Variants in IGSF21 observed in about 807,000 individuals in gnomAD.
IGSF21 encodes immunoglobin superfamily member 21, also known as immunoglobulin superfamily member 21.
Under a neutral mutation model 46.8 loss-of-function variants are expected in IGSF21, and 28 were observed. The ratio of observed to expected loss-of-function variants is 0.60; its 90% CI spans 0.44 to 0.82. The LOEUF is 0.82. IGSF21 is among the 40% of genes least tolerant of loss of function. The pLI is 0.00. For synonymous variants in IGSF21, 284 were observed against 273.6 expected (o/e 1.04, Z -0.38); for missense variants, 624 against 665.5 (o/e 0.94, Z 0.69).
rs996735198 is a variant in IGSF21 at position 18,195,140 on chromosome 1, C to A, written c.71-32758C>A. ...AGGTGAGATTTGGGTAGGGACACAG[C>A]CAAACCGTATCACGCCCCCACTTCA... On this transcript the variant is annotated intron_variant, in intron 1 of 9. Transcript: ENST00000251296. 4.6e-5 allele frequency among the ~76,000 whole-genome samples: 7 copies of A among 152,296 alleles called. No homozygotes were observed. In the South Asian group the frequency reaches 1.5e-3, roughly 32 times the overall value.
intron 3 of IGSF21, among the ~76,000 whole-genome samples, chr1:18,299,876 A>G (rs1425593761): frequency 9.9e-5 from 15 of 152,172 alleles, no homozygotes; most frequent in Admixed American, 9.8e-4. Flanking sequence ...TTTAGAAGAC[A>G]GGGTTGCAGG....
intron 4 of IGSF21, among the ~76,000 whole-genome samples, chr1:18,342,144 A>G (rs1178024228): frequency 6.6e-6 from 1 of 150,816 alleles, no homozygotes; most frequent in African/African-American, 2.4e-5. Context: ...CCCAGGCTGG[A>G]GTGCAGTGGC....
intron 1 of IGSF21, among the ~76,000 whole-genome samples, chr1:18,164,965 G>A (rs967391309): frequency 7.2e-6 from 1 of 139,408 alleles, no homozygotes; most frequent in Non-Finnish European, 1.5e-5. Context: ...ATTCCCACCT[G>A]TGAGTGAGAA....
chr1:18,154,616 T>C (rs1186440792), intron 1 of IGSF21, among the ~76,000 whole-genome samples: 1 of 128,092 alleles, frequency 7.8e-6, no homozygotes, highest in Admixed American at 8.4e-5. Flanking sequence ...GAGGAGGCCC[T>C]GCCCTGGGAG....
chr1:18,279,822 G>A (rs983363074), intron 2 of IGSF21, among the ~76,000 whole-genome samples: 13 of 152,360 alleles, frequency 8.5e-5, no homozygotes, highest in East Asian at 1.9e-4. Flanking sequence ...CGGTGCACCC[G>A]CCCCTCGTTT....
In IGSF21 at chr1:18,305,581, G is replaced by A. The variant is rs555150514; in HGVS notation, c.305+13594G>A. ...ATGGATGGATGGATGGATGGATTATGGATGGATGGATGGATGATGGATAGA... is the reference window on the plus strand; with the variant it reads ...ATGGATGGATGGATGGATGGATTATAGATGGATGGATGGATGATGGATAGA... On this transcript the variant is annotated intron_variant, in intron 3 of 9. Coordinates refer to ENST00000251296, the MANE Select transcript of IGSF21 (RefSeq NM_032880.5). Among the ~76,000 whole-genome samples, 60 of 141,482 alleles carry A rather than the reference G, an allele frequency of 4.2e-4. No homozygotes were observed. The South Asian group carries it at 4.7e-3, about 11-fold the overall frequency. 92.8% of individuals were successfully genotyped at this position (141,482 alleles called of 152,430 possible).
chr1:18,207,121 G>A (rs150882396), intron 1 of IGSF21, among the ~76,000 whole-genome samples: 25 of 152,256 alleles, frequency 1.6e-4, no homozygotes, highest in African/African-American at 3.9e-4. Context: ...CTGAGGTCCC[G>A]GCTTCCTTGC....
chr1:18,233,651 C>T (rs2084648162), intron 2 of IGSF21, among the ~76,000 whole-genome samples: 1 of 152,156 alleles, frequency 6.6e-6, no homozygotes, highest in Non-Finnish European at 1.5e-5. Flanking sequence ...CTGTTGATAG[C>T]TTACAGGATC....
chr1:18,236,881 G>A (rs1459521659), intron 2 of IGSF21, among the ~76,000 whole-genome samples: 1 of 152,200 alleles, frequency 6.6e-6, no homozygotes, highest in Non-Finnish European at 1.5e-5. Flanking sequence ...CTGGGGACCT[G>A]GGCAAGGGCA....
At chr1:18,319,011 C>T (rs141356362) in intron 3 of IGSF21, among the ~76,000 whole-genome samples, 136 of 152,268 alleles carry the variant, frequency 8.9e-4, no homozygotes, top group Admixed American at 1.9e-3. Flanking sequence ...GAAATGATAT[C>T]GGTGAGAACT....
intron 2 of IGSF21, among the ~76,000 whole-genome samples, chr1:18,235,208 G>A (rs1216412699): frequency 1.3e-5 from 2 of 152,200 alleles, no homozygotes; most frequent in Non-Finnish European, 2.9e-5. Flanking sequence ...CCCAGCCACG[G>A]AGCATGTCAT....
intron 6 of IGSF21, among the ~76,000 whole-genome samples, chr1:18,374,479 C>A (rs567964045): frequency 6.6e-6 from 1 of 152,208 alleles, no homozygotes; most frequent in African/African-American, 2.4e-5. Context: ...TCCAAGGGCG[C>A]AAAGAACAGA....
At chr1:18,182,891 C>T (rs2086870330) in intron 1 of IGSF21, among the ~76,000 whole-genome samples, 1 of 152,136 alleles carries the variant, frequency 6.6e-6, no homozygotes, top group Admixed American at 6.5e-5. Context: ...GCTCCAGGCC[C>T]CGCTGCCCTC....
rs552962239 is a variant in IGSF21 at position 18,242,871 on chromosome 1, C to T, written c.183+14861C>T. Among the ~76,000 whole-genome samples, 13 of 152,328 alleles carry T rather than the reference C, an allele frequency of 8.5e-5. No homozygotes were observed. The South Asian group carries it at 2.7e-3, about 32-fold the overall frequency. On this transcript the variant is annotated intron_variant, in intron 2 of 9. Coordinates refer to ENST00000251296, the MANE Select transcript of IGSF21 (RefSeq NM_032880.5). The stretch of plus-strand genomic sequence containing the variant: ...TGCAGCCTAGAGATGCCATCCCTGG[C>T]TCACACTCTGCTGGGGGGGACAGGT...
intron 3 of IGSF21, among the ~76,000 whole-genome samples, chr1:18,319,533 G>T (rs1344296536): frequency 6.6e-6 from 1 of 150,596 alleles, no homozygotes; most frequent in African/African-American, 2.5e-5. Flanking sequence ...CTTTGTCTTT[G>T]ACTTTGGCTC....
intron 4 of IGSF21, among the ~76,000 whole-genome samples, chr1:18,339,755 A>AAAC (rs139758197): frequency 6.6e-6 from 1 of 152,196 alleles, no homozygotes; most frequent in Non-Finnish European, 1.5e-5. Flanking sequence ...CAATAAAACC[A>AAAC]AACAACAACA....
chr1:18,188,625 C>T (rs926754307), intron 1 of IGSF21, among the ~76,000 whole-genome samples: 3 of 152,146 alleles, frequency 2.0e-5, no homozygotes, highest in African/African-American at 4.8e-5. Flanking sequence ...GACTCCTTCA[C>T]TGGGTAACCT....
intron 1 of IGSF21, among the ~76,000 whole-genome samples, chr1:18,119,443 G>A (rs2086213868): frequency 6.6e-6 from 1 of 152,222 alleles, no homozygotes; most frequent in Non-Finnish European, 1.5e-5. Context: ...ACAGTGATTG[G>A]CGGCTAGTGA....
At chr1:18,362,282 T>C (rs774260332) in intron 5 of IGSF21, 52 bp downstream of exon 5, 2 of 1,333,146 alleles carry the variant, frequency 1.5e-6, no homozygotes, top group Non-Finnish European at 2.1e-6. Context: ...ACCACCCTGC[T>C]TCGGGGCTGG....
Sources: gnomAD v4.1 joint callset for allele counts (sites outside exome capture counted in the v4.1 genomes callset) on GRCh38, gnomAD v4.1.1 for gene constraint, MANE v1.5 for transcripts, NCBI Gene and HGNC (gene_info 2026-07-23, HGNC 2026-07-21) for gene names.